The following ERC2 variants were observed in gnomAD, a reference collection of about 807,000 sequenced individuals.
The protein encoded by ERC2 is ELKS/RAB6-interacting/CAST family member 2, also known as ERC protein 2.
A neutral mutation model predicts 114.8 loss-of-function variants in ERC2; 42 were observed. The ratio of observed to expected loss-of-function variants is 0.37; its 90% CI spans 0.29 to 0.47. ERC2 has a LOEUF of 0.47. ERC2 is among the 20% of genes least tolerant of loss of function. The probability of loss-of-function intolerance (pLI) is 0.99; values close to 1 mark genes in which losing one functional copy is unlikely to be tolerated. For missense variants in ERC2, 939 were observed against 1,150.7 expected (o/e 0.82, Z 2.66); for synonymous variants, 454 against 425.5 (o/e 1.07, Z -0.82).
Position 56,149,055 on chromosome 3 carries a change from C to T in ERC2, c.1227G>A (p.Val409=). 1 of 1,613,408 alleles carries T rather than the reference C, an allele frequency of 6.2e-7. No homozygotes were observed. The highest frequency in any genetic ancestry group is 1.7e-5 in the Admixed American group (1 of 59,950). ...DEIQMLKANG[V]LNTEDREEEI... is the part of the protein sequence containing the mutation. ...CTTCTTCGCGGTCCTCAGTGTTCAG[C>T]ACACCATTGGCTTTTAACATCTGGA... The change falls in exon 5 of 18, where the codon GTG becomes GTA. Residue 409 remains valine, a synonymous_variant. Transcript: ENST00000288221.
At chr3:55,613,210 C>G (rs2058979121) in intron 17 of ERC2, 1 of 152,182 alleles carries the variant, frequency 6.6e-6, no homozygotes, top group Non-Finnish European at 1.5e-5. Flanking sequence ...ACAGAGACAG[C>G]CTGAATAATT....
rs115058227 is a variant in ERC2, at chr3:55,961,524, C to T, written c.2268-10964G>A. 3.3e-3 allele frequency among the ~76,000 whole-genome samples: 501 copies of T among 152,254 alleles called. 2 individuals are homozygous for T. The highest frequency in any genetic ancestry group is 0.012 in the African/African-American group (485 of 41,546). On this transcript the variant is annotated intron_variant, in intron 12 of 17. Coordinates refer to ENST00000288221, the MANE Select transcript of ERC2 (RefSeq NM_015576.3). Reference sequence around the variant, plus strand: ...TGTTCTGCTATAGGCACCCTCTGTACAGTGATCACACCTACCTTCTTGTCT... The same window carrying T: ...TGTTCTGCTATAGGCACCCTCTGTATAGTGATCACACCTACCTTCTTGTCT...
At chr3:56,251,980 T>C (rs745437870) in intron 3 of ERC2, among the ~76,000 whole-genome samples, 1 of 152,198 alleles carries the variant, frequency 6.6e-6, no homozygotes, top group Non-Finnish European at 1.5e-5. Flanking sequence ...TTGAAGTAAT[T>C]GAAGTCCTGG....
At chr3:55,718,330 C>T (rs551025125) in intron 15 of ERC2, among the ~76,000 whole-genome samples, 12 of 152,156 alleles carry the variant, frequency 7.9e-5, no homozygotes, top group South Asian at 2.1e-4. Context: ...GATTTGAGTC[C>T]GTTAAGGGTG....
intron 7 of ERC2, among the ~76,000 whole-genome samples, chr3:56,030,982 C>A (rs893643533): frequency 7.2e-5 from 11 of 152,204 alleles, no homozygotes; most frequent in African/African-American, 2.4e-4. Flanking sequence ...TCCGATGAAC[C>A]CTGGCTCCAG....
chr3:56,122,405 T>C (rs1456049465), intron 6 of ERC2, among the ~76,000 whole-genome samples: 1 of 152,174 alleles, frequency 6.6e-6, no homozygotes, highest in Non-Finnish European at 1.5e-5. Flanking sequence ...TTCAGTGTGT[T>C]TGGAAAGATG....
At chr3:55,860,221 C>T (rs1275966947) in intron 14 of ERC2, among the ~76,000 whole-genome samples, 2 of 152,120 alleles carry the variant, frequency 1.3e-5, no homozygotes, top group East Asian at 1.9e-4. Context: ...GCCAAATTTA[C>T]TTGAAAGAGG....
intron 4 of ERC2, among the ~76,000 whole-genome samples, chr3:56,154,095 T>C (rs957537725): frequency 7.9e-5 from 12 of 152,188 alleles, no homozygotes; most frequent in African/African-American, 2.9e-4. Flanking sequence ...TAGTCATAGC[T>C]GCAAACACAA....
Position 56,333,353 on chromosome 3 carries a change from A to C in ERC2, c.658-36918T>G, listed in dbSNP as rs1007191301. On this transcript the variant is annotated intron_variant, in intron 2 of 17. Transcript: ENST00000288221. ...TGCCACAACATTCTTTGTGTTTCTC[A>C]TGTTGGCAAAATTTAGCAAACAACT... Among the ~76,000 whole-genome samples the C allele has an allele frequency of 2.0e-5, 3 of 152,242 alleles. No homozygotes were observed. The South Asian group carries it at 6.2e-4, about 32-fold the overall frequency.
At chr3:56,346,240 A>C (rs1343869171) in intron 2 of ERC2, among the ~76,000 whole-genome samples, 2 of 152,242 alleles carry the variant, frequency 1.3e-5, no homozygotes, top group Non-Finnish European at 2.9e-5. Flanking sequence ...TTTAGAGACT[A>C]AAATGACTAA....
intron 15 of ERC2, among the ~76,000 whole-genome samples, chr3:55,734,270 G>A (rs1317388233): frequency 6.6e-6 from 1 of 152,068 alleles, no homozygotes; most frequent in Admixed American, 6.6e-5. Context: ...GCTAGAACCT[G>A]GGAGATGCTC....
chr3:55,908,611 G>A (rs2064610915), intron 13 of ERC2, among the ~76,000 whole-genome samples: 1 of 152,110 alleles, frequency 6.6e-6, no homozygotes. Flanking sequence ...AATGATAGAA[G>A]AGCAGGCAGC....
intron 14 of ERC2, among the ~76,000 whole-genome samples, chr3:55,754,412 G>C (rs1282309048): frequency 2.6e-5 from 4 of 151,314 alleles, no homozygotes; most frequent in Admixed American, 6.6e-5. Context: ...TTCTACTCTA[G>C]ATTTTGGCTT....
At chr3:55,543,986 C>T (rs1468975203) in intron 17 of ERC2, among the ~76,000 whole-genome samples, 2 of 152,300 alleles carry the variant, frequency 1.3e-5, no homozygotes, top group Admixed American at 6.5e-5. Context: ...GGAGTCCATC[C>T]AGATGATGAG....
At chr3:55,668,556 G>A (rs926839136) in intron 17 of ERC2, among the ~76,000 whole-genome samples, 2 of 152,164 alleles carry the variant, frequency 1.3e-5, no homozygotes, top group South Asian at 2.1e-4. Flanking sequence ...GGGGTCTGCC[G>A]GCTGATGACA....
intron 14 of ERC2, among the ~76,000 whole-genome samples, chr3:55,802,662 C>T (rs1175123746): frequency 1.3e-5 from 2 of 152,176 alleles, no homozygotes; most frequent in Admixed American, 6.5e-5. Context: ...TATTGAAATA[C>T]TCAGTATATA....
At chr3:55,984,966 G>A (rs1189639194) in intron 12 of ERC2, among the ~76,000 whole-genome samples, 1 of 152,184 alleles carries the variant, frequency 6.6e-6, no homozygotes, top group Non-Finnish European at 1.5e-5. Context: ...GGTGGTTTGG[G>A]TGATGGGGCA....
intron 7 of ERC2, among the ~76,000 whole-genome samples, chr3:56,050,007 AG>A (rs1488588870): frequency 6.6e-6 from 1 of 152,148 alleles, no homozygotes; most frequent in African/African-American, 2.4e-5. Context: ...ACTGTACAAA[AG>A]GCAAAACTAT....
chr3:55,697,814 A>G (rs888782726), intron 16 of ERC2, among the ~76,000 whole-genome samples: 4 of 152,024 alleles, frequency 2.6e-5, no homozygotes, highest in African/African-American at 9.7e-5. Context: ...TGTGTGGCTC[A>G]GAATGAATGG....
Sources: gnomAD v4.1 joint callset for allele counts (sites outside exome capture counted in the v4.1 genomes callset) on GRCh38, gnomAD v4.1.1 for gene constraint, MANE v1.5 for transcripts, NCBI Gene and HGNC (gene_info 2026-07-23, HGNC 2026-07-21) for gene names.